PTPRD: variants seen among roughly 807,000 people sequenced by gnomAD.
The protein encoded by PTPRD is protein tyrosine phosphatase receptor type D, also known as receptor-type tyrosine-protein phosphatase delta.
In PTPRD, 34 loss-of-function variants were observed where a neutral mutation model predicts 214.5. The ratio of observed to expected loss-of-function variants is 0.16; its 90% confidence interval spans 0.12 to 0.21. The LOEUF (loss-of-function observed/expected upper bound fraction) is 0.21. Ranked by LOEUF, PTPRD falls within the 10% of genes least tolerant of loss-of-function variation. The pLI, the probability that PTPRD is intolerant of heterozygous loss-of-function variation, is 1.00. For missense variants in PTPRD, 2,545 were observed against 2,398.7 expected, an observed-to-expected ratio of 1.06 and a Z score of -1.27; for synonymous variants, 1,128 against 845.7, an observed-to-expected ratio of 1.33 and a Z score of -5.79.
chr9:8,796,064 G>C (rs745765421), intron 11 of PTPRD, among the ~76,000 whole-genome samples: 2 of 152,164 alleles, frequency 1.3e-5, no homozygotes, highest in Admixed American at 6.5e-5. Flanking sequence ...TAACAAAAAC[G>C]TATGAAGTTA....
At chr9:10,408,877 T>A (rs7040498) in intron 2 of PTPRD, among the ~76,000 whole-genome samples, 1 of 151,556 alleles carries the variant, frequency 6.6e-6, no homozygotes, top group Non-Finnish European at 1.5e-5. Flanking sequence ...GCTCAGTATA[T>A]GTTAGATATT....
At chr9:9,848,814 C>T (rs748067760) in intron 5 of PTPRD, among the ~76,000 whole-genome samples, 5 of 151,998 alleles carry the variant, frequency 3.3e-5, no homozygotes, top group Non-Finnish European at 7.4e-5. Context: ...AAGAAAAAAA[C>T]TAATAGCTAT....
chr9:9,079,956 T>C (rs324480), intron 10 of PTPRD, among the ~76,000 whole-genome samples: 80,321 of 151,836 alleles, frequency 0.53, 22,066 homozygotes, highest in Non-Finnish European at 0.6. Context: ...GTGTGCACAG[T>C]ATGCTTGATG....
At chr9:9,499,336 G>A (rs186341871) in intron 8 of PTPRD, among the ~76,000 whole-genome samples, 37 of 152,030 alleles carry the variant, frequency 2.4e-4, no homozygotes, top group African/African-American at 7.9e-4. Flanking sequence ...CATGAATTCT[G>A]ACTTCTCCTT....
chr9:8,815,069 T>C (rs2096892698), intron 11 of PTPRD, among the ~76,000 whole-genome samples: 1 of 152,164 alleles, frequency 6.6e-6, no homozygotes, highest in African/African-American at 2.4e-5. Flanking sequence ...AGAATTGTCA[T>C]ATCTCACATT....
In PTPRD at chr9:9,938,540, A is replaced by C. The variant is rs1443096189; in HGVS notation, c.-401T>G. The C allele has an allele frequency of 2.0e-5, 3 of 152,138 alleles. No individual in the cohort carries two copies. Among genetic ancestry groups the C allele is most frequent in the African/African-American group, 7.2e-5 (3 of 41,426 alleles). The allele number at this position is 152,138 out of a possible 1,614,324, so 9.4% of individuals were successfully genotyped here. A position where few individuals can be genotyped will look rare whatever the true frequency, so the allele number is the denominator to read the frequency against. On this transcript the variant is annotated 5_prime_UTR_variant, in exon 5 of 46. Transcript: ENST00000381196. ...GAAGCCCATCGCTTCCCTCGGTGCCAACATGCTGTCAGTCAGACACCTCTA... is the reference window on the plus strand; with the variant it reads ...GAAGCCCATCGCTTCCCTCGGTGCCCACATGCTGTCAGTCAGACACCTCTA...
chr9:8,866,317 T>C (rs1224494872), intron 11 of PTPRD, among the ~76,000 whole-genome samples: 1 of 152,130 alleles, frequency 6.6e-6, no homozygotes, highest in Non-Finnish European at 1.5e-5. Context: ...TTCTTTAAGA[T>C]CATGTTTTCT....
intron 11 of PTPRD, among the ~76,000 whole-genome samples, chr9:8,936,366 G>A (rs919940250): frequency 1.5e-5 from 2 of 130,386 alleles, no homozygotes; most frequent in Non-Finnish European, 3.1e-5. Flanking sequence ...AGAGGTTGCG[G>A]CAGTGAGCCT....
At chr9:10,456,347 C>T (rs941770787) in intron 2 of PTPRD, among the ~76,000 whole-genome samples, 4 of 151,848 alleles carry the variant, frequency 2.6e-5, no homozygotes, top group Admixed American at 1.3e-4. Flanking sequence ...CTCTGCATAA[C>T]GTGTATTGCA....
intron 4 of PTPRD, among the ~76,000 whole-genome samples, chr9:10,018,905 T>C (rs1356761333): frequency 2.6e-5 from 4 of 152,090 alleles, no homozygotes; most frequent in Admixed American, 2.6e-4. Context: ...AAGGGTATTT[T>C]TCTGCAAAAA....
At chr9:9,337,737 G>C (rs1202431917) in intron 9 of PTPRD, among the ~76,000 whole-genome samples, 1 of 152,104 alleles carries the variant, frequency 6.6e-6, no homozygotes, top group East Asian at 1.9e-4. Context: ...ACGGCAAAAG[G>C]CTTGCTGGAC....
chr9:9,203,734 A>C (rs927983027), intron 9 of PTPRD, among the ~76,000 whole-genome samples: 6 of 152,144 alleles, frequency 3.9e-5, no homozygotes, highest in African/African-American at 1.2e-4. Context: ...GTGTTTTTGC[A>C]GTTTCTGATG....
chr9:9,024,711 G>C (rs324491), intron 10 of PTPRD, among the ~76,000 whole-genome samples: 52,780 of 151,360 alleles, frequency 0.35, 9,462 homozygotes, highest in Middle Eastern at 0.46. Flanking sequence ...GTGTTTATTA[G>C]TTTCTGAAAT....
At chr9:10,463,240 T>C (rs2098971149) in intron 2 of PTPRD, among the ~76,000 whole-genome samples, 2 of 152,126 alleles carry the variant, frequency 1.3e-5, no homozygotes, top group Non-Finnish European at 1.5e-5. Context: ...AAGCTTTTTG[T>C]TGTTACAATT....
At chr9:8,541,519 C>CGT (rs2078411547) in intron 14 of PTPRD, among the ~76,000 whole-genome samples, 1 of 152,142 alleles carries the variant, frequency 6.6e-6, no homozygotes, top group African/African-American at 2.4e-5. Flanking sequence ...CACATACCAC[C>CGT]ATACCCGTCT....
chr9:9,499,999 C>T (rs75616638), intron 8 of PTPRD, among the ~76,000 whole-genome samples: 2,021 of 152,090 alleles, frequency 0.013, 42 homozygotes, highest in African/African-American at 0.046. Context: ...TCTTGGGCTG[C>T]CCCTTGAATA....
intron 3 of PTPRD, among the ~76,000 whole-genome samples, chr9:10,222,371 T>C (rs2099574206): frequency 6.6e-6 from 1 of 152,060 alleles, no homozygotes; most frequent in Non-Finnish European, 1.5e-5. Context: ...GGCCACTGTT[T>C]CTAAAACAAA....
intron 35 of PTPRD, among the ~76,000 whole-genome samples, chr9:8,430,112 C>A (rs10815870): frequency 0.5 from 76,346 of 151,874 alleles, 19,622 homozygotes; most frequent in East Asian, 0.74. Flanking sequence ...AAATGTATAA[C>A]ATCTAGAATG....
chr9:8,599,952 T>C (rs1162283008), intron 14 of PTPRD, among the ~76,000 whole-genome samples: 1 of 151,972 alleles, frequency 6.6e-6, no homozygotes, highest in Admixed American at 6.6e-5. Flanking sequence ...AAAAATCAAG[T>C]GAGCACTCGC....
Sources: gnomAD v4.1 joint callset for allele counts (sites outside exome capture counted in the v4.1 genomes callset) on GRCh38, gnomAD v4.1.1 for gene constraint, MANE v1.5 for transcripts, NCBI Gene and HGNC (gene_info 2026-07-23, HGNC 2026-07-21) for gene names.